Variants in GRM8 observed in about 807,000 individuals in gnomAD.
GRM8 encodes the protein glutamate metabotropic receptor 8.
Under a neutral mutation model 87.2 loss-of-function variants are expected in GRM8, and 47 were observed. That is an observed-to-expected ratio of 0.54 (90% CI 0.43 to 0.69). The LOEUF (loss-of-function observed/expected upper bound fraction) is 0.69. Among genes scored for constraint, GRM8 ranks in the 30% least tolerant of loss-of-function variants. The probability of loss-of-function intolerance (pLI) is 0.00; values close to 1 mark genes in which losing one functional copy is unlikely to be tolerated. For missense variants in GRM8, 1,019 were observed against 1,139.2 expected, an observed-to-expected ratio of 0.89 and a Z score of 1.52; for synonymous variants, 396 against 404.5, an observed-to-expected ratio of 0.98 and a Z score of 0.25.
rs138545454 is a variant in GRM8 at position 126,834,143 on chromosome 7, G to A, written c.1157-64078C>T. The stretch of plus-strand genomic sequence containing the variant: ...ATAAATGTCAACCAAATGGTGCTAG[G>A]TAATATAGATGTACTCAGTGTCCAA... On this transcript the variant is annotated intron_variant, in intron 6 of 10. Transcript: ENST00000339582. 4.1e-3 allele frequency among the ~76,000 whole-genome samples: 626 copies of A among 152,308 alleles called. 6 individuals carry two copies. Among genetic ancestry groups the A allele is most frequent in the African/African-American group, 0.014 (581 of 41,566 alleles).
At chr7:126,885,311 G>A (rs1256918165) in intron 6 of GRM8, among the ~76,000 whole-genome samples, 2 of 152,084 alleles carry the variant, frequency 1.3e-5, no homozygotes, top group Non-Finnish European at 2.9e-5. Flanking sequence ...TAGAAGCCTT[G>A]GTAAATAAGT....
At chr7:126,461,446 G>C (rs1405214727) in intron 9 of GRM8, among the ~76,000 whole-genome samples, 7 of 151,712 alleles carry the variant, frequency 4.6e-5, no homozygotes, top group African/African-American at 1.7e-4. Flanking sequence ...TTCCAAGAGA[G>C]TTGTTTCCAC....
At position 126,645,667 on chromosome 7, in the gene GRM8, A is replaced by T. The variant is rs139487353; in HGVS notation, c.1358-36169T>A. On this transcript the variant is annotated intron_variant, in intron 7 of 10. Coordinates refer to ENST00000339582, the MANE Select transcript of GRM8 (RefSeq NM_000845.3). ...AGAACCCATTGAGTGACCACATTAC[A>T]AGTTTAAAATGTTTTTCTGGTGAGG... Among the ~76,000 whole-genome samples, 229 of 152,282 alleles carry T rather than the reference A, an allele frequency of 1.5e-3. 1 individual carries two copies. The highest frequency in any genetic ancestry group is 5.3e-3 in the African/African-American group (222 of 41,560).
At chr7:126,993,869 A>G (rs1485787816) in intron 3 of GRM8, among the ~76,000 whole-genome samples, 1 of 152,174 alleles carries the variant, frequency 6.6e-6, no homozygotes, top group East Asian at 1.9e-4. Context: ...TGCAGGCTAA[A>G]CTGCTCTGGG....
At chr7:126,670,046 T>C (rs1376027844) in intron 7 of GRM8, among the ~76,000 whole-genome samples, 1 of 152,240 alleles carries the variant, frequency 6.6e-6, no homozygotes, top group African/African-American at 2.4e-5. Context: ...ATTCTTAAAA[T>C]GCTAATCTGC....
chr7:126,881,125 G>GA lies in GRM8; in HGVS notation c.1156+21416dup, dbSNP rs770038427. 1.3e-3 allele frequency among the ~76,000 whole-genome samples: 188 copies of GA among 150,260 alleles called. 1 individual carries two copies. The Middle Eastern group carries it at 0.028, about 22-fold the overall frequency. ...GGCCTCTGTATTAGTCAGGGTCCCA[G>GA]AAAAAAAAATAGAATTCATCCCAGA... On this transcript the variant is annotated intron_variant, in intron 6 of 10. Coordinates refer to ENST00000339582, the MANE Select transcript of GRM8 (RefSeq NM_000845.3).
At chr7:126,857,990 A>C (rs1797835268) in intron 6 of GRM8, among the ~76,000 whole-genome samples, 1 of 152,168 alleles carries the variant, frequency 6.6e-6, no homozygotes, top group East Asian at 1.9e-4. Context: ...GGAAGAGAGG[A>C]AGGGAGGGAG....
At chr7:126,835,415 C>T (rs996781970) in intron 6 of GRM8, among the ~76,000 whole-genome samples, 7 of 151,968 alleles carry the variant, frequency 4.6e-5, no homozygotes, top group African/African-American at 9.7e-5. Context: ...TCAATGATTC[C>T]GGTGAAATAT....
intron 3 of GRM8, among the ~76,000 whole-genome samples, chr7:126,986,615 C>T (rs778400143): frequency 5.9e-5 from 9 of 152,038 alleles, no homozygotes; most frequent in Non-Finnish European, 1.0e-4. Flanking sequence ...TTAATATACA[C>T]AAATGTATAG....
intron 8 of GRM8, among the ~76,000 whole-genome samples, chr7:126,566,237 A>G (rs1461411238): frequency 6.6e-6 from 1 of 152,214 alleles, no homozygotes; most frequent in Non-Finnish European, 1.5e-5. Context: ...GTAAAATGAC[A>G]ATCTATGAAA....
At chr7:126,929,633 C>T (rs910495058) in intron 3 of GRM8, among the ~76,000 whole-genome samples, 15 of 151,976 alleles carry the variant, frequency 9.9e-5, no homozygotes, top group African/African-American at 1.7e-4. Context: ...GGGGTTTCAC[C>T]ATGTTGGCCA....
At position 127,105,938 on chromosome 7, in the gene GRM8, T is replaced by C. The variant is rs1037688655; in HGVS notation, c.727+558A>G. 5.3e-5 allele frequency among the ~76,000 whole-genome samples: 8 copies of C among 152,158 alleles called. No individual in the cohort carries two copies. In the East Asian group the frequency reaches 1.3e-3, roughly 26 times the overall value. On this transcript the variant is annotated intron_variant, in intron 3 of 10. Coordinates refer to ENST00000339582, the MANE Select transcript of GRM8 (RefSeq NM_000845.3). ...CAGGACAGACATCAGCAGCACCTTG[T>C]TGTAAACAAGTTTTTACATCTTGTC...
intron 9 of GRM8, among the ~76,000 whole-genome samples, chr7:126,451,161 T>C (rs1177407337): frequency 2.0e-5 from 3 of 151,842 alleles, no homozygotes; most frequent in Admixed American, 1.3e-4. Flanking sequence ...GAAAGGCATT[T>C]GTCTTTTGGG....
intron 6 of GRM8, among the ~76,000 whole-genome samples, chr7:126,777,802 A>T (rs1348942687): frequency 6.6e-6 from 1 of 152,184 alleles, no homozygotes; most frequent in Non-Finnish European, 1.5e-5. Context: ...ACAAACAAAA[A>T]AAACTTCTTA....
intron 3 of GRM8, among the ~76,000 whole-genome samples, chr7:126,939,678 T>G (rs1281884325): frequency 6.6e-6 from 1 of 152,234 alleles, no homozygotes; most frequent in Non-Finnish European, 1.5e-5. Context: ...CTCATCATAC[T>G]GATGGCCCAT....
chr7:126,795,832 T>A (rs1187231790), intron 6 of GRM8, among the ~76,000 whole-genome samples: 4 of 151,608 alleles, frequency 2.6e-5, no homozygotes, highest in African/African-American at 4.8e-5. Flanking sequence ...GCCAGTGAAG[T>A]TAGAATAAAA....
chr7:126,444,513 AT>A (rs1801798964), intron 10 of GRM8, among the ~76,000 whole-genome samples: 1 of 152,096 alleles, frequency 6.6e-6, no homozygotes, highest in Non-Finnish European at 1.5e-5. Context: ...TAAATTTGGT[AT>A]TGGTGACCCG....
chr7:126,794,523 C>T (rs955091726), intron 6 of GRM8, among the ~76,000 whole-genome samples: 1 of 151,878 alleles, frequency 6.6e-6, no homozygotes, highest in South Asian at 2.1e-4. Context: ...ATTTTTCTTC[C>T]GAAAAACATC....
chr7:126,691,799 T>C (rs1808843057), intron 7 of GRM8, among the ~76,000 whole-genome samples: 1 of 152,146 alleles, frequency 6.6e-6, no homozygotes, highest in Admixed American at 6.5e-5. Flanking sequence ...CAAACGTAGC[T>C]GGCTGGGTGA....
Sources: gnomAD v4.1 joint callset for allele counts (sites outside exome capture counted in the v4.1 genomes callset) on GRCh38, gnomAD v4.1.1 for gene constraint, MANE v1.5 for transcripts, NCBI Gene and HGNC (gene_info 2026-07-23, HGNC 2026-07-21) for gene names.